LRRTM4: variants seen among roughly 807,000 people sequenced by gnomAD.
LRRTM4 encodes the protein leucine rich repeat transmembrane neuronal 4, also known as leucine-rich repeat transmembrane neuronal protein 4.
LRRTM4 carries 25 observed loss-of-function variants against 47.6 expected under a neutral mutation model. The observed-to-expected ratio is 0.53, with a 90% CI of 0.38 to 0.73. The LOEUF (loss-of-function observed/expected upper bound fraction) is 0.73, where lower values mean the gene tolerates loss of function less well. LRRTM4 is among the 30% of genes least tolerant of loss of function. The pLI is 0.00. For missense variants in LRRTM4, 638 were observed against 713.4 expected, an observed-to-expected ratio of 0.89 and a Z score of 1.20; for synonymous variants, 311 against 269.5, an observed-to-expected ratio of 1.15 and a Z score of -1.51.
chr2:76,874,734 T>C (rs1672731258), intron 3 of LRRTM4, among the ~76,000 whole-genome samples: 1 of 151,910 alleles, frequency 6.6e-6, no homozygotes, highest in Admixed American at 6.6e-5. Context: ...TCAGAATAAA[T>C]TCCTAGAAAT....
At chr2:77,110,143 A>G (rs1671212245) in intron 3 of LRRTM4, among the ~76,000 whole-genome samples, 1 of 152,182 alleles carries the variant, frequency 6.6e-6, no homozygotes, top group African/African-American at 2.4e-5. Context: ...TAAAAAAGTG[A>G]AATCTAAACC....
chr2:76,868,491 C>T (rs1040337303), intron 3 of LRRTM4, among the ~76,000 whole-genome samples: 3 of 152,068 alleles, frequency 2.0e-5, no homozygotes, highest in African/African-American at 4.8e-5. Flanking sequence ...AATTTTTCCC[C>T]TTGAATACAC....
chr2:77,307,048 C>T (rs1242904242), intron 3 of LRRTM4, among the ~76,000 whole-genome samples: 2 of 151,560 alleles, frequency 1.3e-5, no homozygotes, highest in East Asian at 2.0e-4. Flanking sequence ...TACAGGCGCC[C>T]ACCACCACGC....
At chr2:77,102,231 A>G (rs1052331392) in intron 3 of LRRTM4, among the ~76,000 whole-genome samples, 1 of 152,188 alleles carries the variant, frequency 6.6e-6, no homozygotes, top group African/African-American at 2.4e-5. Flanking sequence ...GGTTCTAGGT[A>G]CCAGTCAGGC....
chr2:76,803,277 A>C (rs1675799570), intron 3 of LRRTM4, among the ~76,000 whole-genome samples: 1 of 152,166 alleles, frequency 6.6e-6, no homozygotes, highest in Non-Finnish European at 1.5e-5. Context: ...GATTTTAAAA[A>C]TGGGCAAAGA....
At chr2:76,764,286 A>G (rs931994937) in intron 3 of LRRTM4, among the ~76,000 whole-genome samples, 3 of 152,230 alleles carry the variant, frequency 2.0e-5, no homozygotes, top group African/African-American at 7.2e-5. Context: ...CATGTTCTAA[A>G]GAGAACAATA....
chr2:76,795,596 C>CATAT (rs1376281533), intron 3 of LRRTM4, among the ~76,000 whole-genome samples: 14 of 73,288 alleles, frequency 1.9e-4, no homozygotes, highest in African/African-American at 7.1e-4. Context: ...CACACATACA[C>CATAT]ACACACTACA....
chr2:77,121,102 T>TAGATAAA (rs1671510659), intron 3 of LRRTM4, among the ~76,000 whole-genome samples: 1 of 151,836 alleles, frequency 6.6e-6, no homozygotes, highest in Non-Finnish European at 1.5e-5. Flanking sequence ...CTCTCATGTC[T>TAGATAAA]AGATAAAAGA....
At chr2:77,490,710 A>G (rs1160699081) in intron 3 of LRRTM4, among the ~76,000 whole-genome samples, 1 of 152,152 alleles carries the variant, frequency 6.6e-6, no homozygotes, top group Non-Finnish European at 1.5e-5. Context: ...CTGCGTCTGA[A>G]AGCATCTCAC....
chr2:77,394,069 A>G (rs1673607548), intron 3 of LRRTM4, among the ~76,000 whole-genome samples: 3 of 151,998 alleles, frequency 2.0e-5, no homozygotes, highest in African/African-American at 7.2e-5. Flanking sequence ...TTTTTGCAAC[A>G]TTCAGGAATC....
At position 77,023,962 on chromosome 2, in the gene LRRTM4, A is replaced by G. The variant is rs185266397; in HGVS notation, c.1552-275046T>C. 2.1e-3 allele frequency among the ~76,000 whole-genome samples: 324 copies of G among 152,280 alleles called. 7 individuals carry two copies. Among genetic ancestry groups the G allele is most frequent in the African/African-American group, 7.6e-3 (314 of 41,560 alleles). On this transcript the variant is annotated intron_variant, in intron 3 of 3. Transcript: ENST00000409884. The stretch of plus-strand genomic sequence containing the variant: ...ACGTACCCAAGACTGGGAAGGAAAA[A>G]AAAAGATTAATTGGACTTACAGTTC...
intron 3 of LRRTM4, among the ~76,000 whole-genome samples, chr2:76,787,073 T>A (rs1030727294): frequency 1.3e-5 from 2 of 152,100 alleles, no homozygotes; most frequent in African/African-American, 4.8e-5. Context: ...CCCACTTTGT[T>A]ATTAATATCT....
At chr2:76,995,538 G>A (rs531541098) in intron 3 of LRRTM4, among the ~76,000 whole-genome samples, 4 of 151,980 alleles carry the variant, frequency 2.6e-5, no homozygotes, top group African/African-American at 7.2e-5. Flanking sequence ...GGAGGCAAAC[G>A]GGGGACTGGC....
chr2:76,807,805 A>G (rs981595535), intron 3 of LRRTM4, among the ~76,000 whole-genome samples: 1 of 150,208 alleles, frequency 6.7e-6, no homozygotes, highest in East Asian at 2.0e-4. Context: ...TTGGTCTCCA[A>G]CTCCTGACCT....
At position 77,279,573 on chromosome 2, in the gene LRRTM4, AT is replaced by A. The variant is rs1422720699; in HGVS notation, c.1551+238744del. The stretch of plus-strand genomic sequence containing the variant: ...TATTCTAGGTATTATAATTCTATTA[AT>A]TTAGTACATATTGCATTAGCTTTTA... On this transcript the variant is annotated intron_variant, in intron 3 of 3. Coordinates refer to ENST00000409884, the MANE Select transcript of LRRTM4 (RefSeq NM_001134745.3). Among the ~76,000 whole-genome samples, 4 of 152,066 alleles carry A rather than the reference AT, an allele frequency of 2.6e-5. 1 individual carries two copies. The highest frequency in any genetic ancestry group is 1.5e-5 in the Non-Finnish European group (1 of 67,930).
chr2:76,808,294 C>T (rs1012472998), intron 3 of LRRTM4, among the ~76,000 whole-genome samples: 2 of 152,046 alleles, frequency 1.3e-5, no homozygotes, highest in Admixed American at 1.3e-4. Flanking sequence ...CTGGAGTGAG[C>T]CACCGCAGCT....
At chr2:77,503,552 G>A (rs1391117890) in intron 3 of LRRTM4, among the ~76,000 whole-genome samples, 1 of 151,678 alleles carries the variant, frequency 6.6e-6, no homozygotes, top group Admixed American at 6.6e-5. Flanking sequence ...TCAAGCAACA[G>A]AGAAATAACA....
chr2:77,107,655 C>T (rs1369843151), intron 3 of LRRTM4, among the ~76,000 whole-genome samples: 1 of 151,850 alleles, frequency 6.6e-6, no homozygotes, highest in Admixed American at 6.6e-5. Flanking sequence ...CCCATCTCTA[C>T]TAAAAATACA....
intron 3 of LRRTM4, among the ~76,000 whole-genome samples, chr2:76,825,885 T>G (rs1463360755): frequency 6.6e-6 from 1 of 151,534 alleles, no homozygotes; most frequent in African/African-American, 2.4e-5. Context: ...AACAAGAGAT[T>G]ATGGAGTTGC....
Sources: gnomAD v4.1 joint callset for allele counts (sites outside exome capture counted in the v4.1 genomes callset) on GRCh38, gnomAD v4.1.1 for gene constraint, MANE v1.5 for transcripts, NCBI Gene and HGNC (gene_info 2026-07-23, HGNC 2026-07-21) for gene names.